Variants in GGACT observed in about 807,000 individuals in gnomAD.
GGACT encodes the protein gamma-glutamylaminecyclotransferase.
For synonymous variants in GGACT, 118 were observed against 115.3 expected, an observed-to-expected ratio of 1.02 and a Z score of -0.15; for missense variants, 241 against 233.2, an observed-to-expected ratio of 1.03 and a Z score of -0.22.
rs895560590 is a variant in GGACT at position 100,532,570 on chromosome 13, C to G, written c.22G>C (p.Gly8Arg). 7 of 1,546,048 alleles carry G rather than the reference C, an allele frequency of 4.5e-6. No individual in the cohort carries two copies. The highest frequency in any genetic ancestry group is 1.2e-5 in the South Asian group (1 of 83,762). Residue 8 changes from glycine to arginine, a missense_variant, in exon 3 of 3, where the codon GGC becomes CGC. Physicochemically the swap from Gly to Arg is moderately radical, Grantham distance 125. Coordinates refer to ENST00000683975, the MANE Select transcript of GGACT (RefSeq NM_001195087.2). MALVFVY[G>R]TLKRGQPNHR... Reference sequence around the variant, plus strand: ...TTGGGCTGACCCCGCTTCAGGGTGCCGTACACGAAGACTAGGGCCATCCGG... The same window carrying G: ...TTGGGCTGACCCCGCTTCAGGGTGCGGTACACGAAGACTAGGGCCATCCGG...
chr13:100,541,117 T>C (rs1162359795), intron 2 of GGACT, among the ~76,000 whole-genome samples: 11 of 152,270 alleles, frequency 7.2e-5, no homozygotes, highest in Non-Finnish European at 1.2e-4. Flanking sequence ...TCTGAGTTTT[T>C]CCAGATTAAA....
chr13:100,549,271 G>A (rs991808914), intron 2 of GGACT, among the ~76,000 whole-genome samples: 21 of 152,210 alleles, frequency 1.4e-4, no homozygotes, highest in Non-Finnish European at 2.5e-4. Flanking sequence ...CCTGGGAGGC[G>A]GAGGTTGCAG....
intron 2 of GGACT, among the ~76,000 whole-genome samples, chr13:100,540,771 A>G (rs1223897082): frequency 2.6e-5 from 4 of 152,258 alleles, no homozygotes; most frequent in Non-Finnish European, 5.9e-5. Flanking sequence ...CACAACCAAC[A>G]GGACACATGA....
rs117911545 is a variant in GGACT, at chr13:100,552,026, C to T, written c.-10-19425G>A. 2.6e-3 allele frequency among the ~76,000 whole-genome samples: 393 copies of T among 152,306 alleles called. 7 individuals are homozygous for T. Among genetic ancestry groups the T allele is most frequent in the East Asian group, 0.021 (110 of 5,170 alleles). ...AGACCATGCTGGCTCTACAGCCACC[C>T]GCACCTGAGGGGCCCTTGACCCTTC... On this transcript the variant is annotated intron_variant, in intron 2 of 2. Transcript: ENST00000683975.
intron 2 of GGACT, among the ~76,000 whole-genome samples, chr13:100,577,511 A>T (rs1875287692): frequency 6.6e-6 from 1 of 152,012 alleles, no homozygotes; most frequent in Admixed American, 6.6e-5. Context: ...ATATTTTTTC[A>T]TTGTTGGACA....
intron 2 of GGACT, among the ~76,000 whole-genome samples, chr13:100,568,636 T>C (rs1874985276): frequency 1.3e-5 from 2 of 152,218 alleles, no homozygotes; most frequent in East Asian, 1.9e-4. Context: ...ATCCCACTGC[T>C]GGCCCCTCCC....
At chr13:100,542,888 CCTT>C (rs1212041519) in intron 2 of GGACT, among the ~76,000 whole-genome samples, 2 of 152,196 alleles carry the variant, frequency 1.3e-5, no homozygotes, top group Admixed American at 6.5e-5. Flanking sequence ...CAGCAGTTCT[CCTT>C]CTTGAAACGC....
Position 100,530,964 on chromosome 13 carries a change from A to G in GGACT, c.*1166T>C, listed in dbSNP as rs2088361400. 6.6e-6 allele frequency: 1 copy of G among 152,212 alleles called. No homozygotes were observed. The highest frequency in any genetic ancestry group is 1.9e-4 in the East Asian group (1 of 5,198). 9.4% of individuals were successfully genotyped at this position (152,212 alleles called of 1,614,324 possible). A position where few individuals can be genotyped will look rare whatever the true frequency, so the allele number is the denominator to read the frequency against. ...GCCTTTTTGTGTTTTTTGTGAAGCA[A>G]GTTTCCAATTAAGCAAAAGAAGCTA... On this transcript the variant is annotated 3_prime_UTR_variant, in exon 3 of 3. Transcript: ENST00000683975.
intron 2 of GGACT, among the ~76,000 whole-genome samples, chr13:100,568,296 AAAAG>A (rs1256255297): frequency 6.6e-6 from 1 of 152,238 alleles, no homozygotes; most frequent in African/African-American, 2.4e-5. Flanking sequence ...GGTAATTTAT[AAAAG>A]AAAGAGGTTT....
At chr13:100,570,336 A>T (rs1199176312) in intron 2 of GGACT, among the ~76,000 whole-genome samples, 1 of 152,136 alleles carries the variant, frequency 6.6e-6, no homozygotes, top group African/African-American at 2.4e-5. Flanking sequence ...AGGCCTCAGG[A>T]ATCTTATAAT....
chr13:100,556,273 G>C (rs937438896), intron 2 of GGACT, among the ~76,000 whole-genome samples: 1 of 152,166 alleles, frequency 6.6e-6, no homozygotes, highest in Non-Finnish European at 1.5e-5. Flanking sequence ...AGGTTAGCAA[G>C]GTTTTAGGAT....
At chr13:100,578,127 G>A (rs776470665) in intron 2 of GGACT, among the ~76,000 whole-genome samples, 7 of 152,120 alleles carry the variant, frequency 4.6e-5, no homozygotes, top group Admixed American at 2.0e-4. Context: ...GCATCTGGGC[G>A]TCCACAGGGA....
intron 1 of GGACT, among the ~76,000 whole-genome samples, chr13:100,587,967 A>T (rs1335441105): frequency 6.6e-6 from 1 of 152,202 alleles, no homozygotes; most frequent in Non-Finnish European, 1.5e-5. Flanking sequence ...CAGAGGTTGC[A>T]GTGAGCCGAG....
intron 2 of GGACT, chr13:100,580,203 T>G (rs994597854): frequency 1.3e-5 from 2 of 152,264 alleles, no homozygotes; most frequent in Admixed American, 6.5e-5. Context: ...CCAGCAAACA[T>G]GTCCATGCCC....
intron 2 of GGACT, among the ~76,000 whole-genome samples, chr13:100,577,485 T>C (rs916039836): frequency 2.0e-5 from 3 of 151,224 alleles, no homozygotes; most frequent in Non-Finnish European, 1.5e-5. Flanking sequence ...GATAAAATAT[T>C]AAAAGATGTT....
intron 2 of GGACT, among the ~76,000 whole-genome samples, chr13:100,549,476 A>C (rs2088637854): frequency 6.6e-6 from 1 of 152,240 alleles, no homozygotes; most frequent in Non-Finnish European, 1.5e-5. Flanking sequence ...CACTGCCCAG[A>C]AACATGAAAT....
intron 2 of GGACT, among the ~76,000 whole-genome samples, chr13:100,568,382 A>T (rs562307810): frequency 6.6e-6 from 1 of 152,354 alleles, no homozygotes; most frequent in South Asian, 2.1e-4. Flanking sequence ...GGAACCAAAC[A>T]TGTCCTTCTT....
chr13:100,542,262 C>A (rs1246635841), intron 2 of GGACT, among the ~76,000 whole-genome samples: 58 of 152,078 alleles, frequency 3.8e-4, no homozygotes, highest in Non-Finnish European at 5.9e-5. Flanking sequence ...CAGCCGCTGA[C>A]CCCCCCAGCA....
At chr13:100,588,283 G>A (rs1422594309) in intron 1 of GGACT, among the ~76,000 whole-genome samples, 2 of 152,198 alleles carry the variant, frequency 1.3e-5, no homozygotes, top group Non-Finnish European at 2.9e-5. Flanking sequence ...AGTGCCAGGA[G>A]ACGTTTTTAG....
Sources: allele counts gnomAD v4.1 joint callset (sites outside exome capture counted in the v4.1 genomes callset), GRCh38; gene constraint gnomAD v4.1.1; transcripts MANE v1.5; gene names NCBI Gene and HGNC (gene_info 2026-07-23, HGNC 2026-07-21).